The following KIAA0825 variants were observed in gnomAD, a reference collection of about 807,000 sequenced individuals.
KIAA0825 encodes the protein KIAA0825, also known as uncharacterized protein KIAA0825.
KIAA0825 carries 119 observed loss-of-function variants against 147.6 expected under a neutral mutation model. The ratio of observed to expected loss-of-function variants is 0.81; its 90% CI spans 0.69 to 0.94. The LOEUF (loss-of-function observed/expected upper bound fraction) is 0.94, where lower values mean the gene tolerates loss of function less well. Among genes scored for constraint, KIAA0825 ranks in the 40% least tolerant of loss-of-function variants. The pLI, the probability that KIAA0825 is intolerant of heterozygous loss-of-function variation, is 0.00. For missense variants in KIAA0825, 1,381 were observed against 1,472.7 expected (o/e 0.94, Z 1.02); for synonymous variants, 470 against 518.1 (o/e 0.91, Z 1.26).
intron 14 of KIAA0825, among the ~76,000 whole-genome samples, chr5:94,432,226 A>T (rs1755772713): frequency 6.6e-6 from 1 of 152,238 alleles, no homozygotes; most frequent in East Asian, 1.9e-4. Flanking sequence ...AACCAGCAGC[A>T]GCGGGAGCAG....
chr5:94,465,056 C>G lies in KIAA0825; in HGVS notation c.1876G>C (p.Glu626Gln). The stretch of plus-strand genomic sequence containing the variant: ...ATCTGGATCGAGAAGGAACATCTTT[C>G]CCCCTGGCAAAGCCAGCACACGTTA... Reference protein sequence around the residue: ...WDDYKAFYEGERCSFSIQMWH... With the variant: ...WDDYKAFYEGQRCSFSIQMWH... Residue 626 changes from glutamate (E) to glutamine (Q), a missense_variant, in exon 11 of 21, where the codon GAA (glutamate) becomes CAA (glutamine). Glu to Gln is a conservative substitution (Grantham distance 29). Coordinates refer to ENST00000682413, the MANE Select transcript of KIAA0825 (RefSeq NM_001145678.3). 6.4e-7 allele frequency: 1 copy of G among 1,550,810 alleles called. No individual in the cohort carries two copies. The highest frequency in any genetic ancestry group is 8.7e-7 in the Non-Finnish European group (1 of 1,146,460).
chr5:94,153,982 T>G lies in KIAA0825; in HGVS notation c.*25A>C. On this transcript the variant is annotated 3_prime_UTR_variant, in exon 21 of 21. Transcript: ENST00000682413. ...CATTACATGGGATTGTTTCCTAAAA[T>G]AAAGCTGTTGCTGTTTTCTGCAGAT... 1 of 1,468,214 alleles carries G rather than the reference T, an allele frequency of 6.8e-7. No homozygotes were observed. Among genetic ancestry groups the G allele is most frequent in the Non-Finnish European group, 9.3e-7 (1 of 1,071,024 alleles). 90.9% of individuals were successfully genotyped at this position (1,468,214 alleles called of 1,614,324 possible).
At chr5:94,348,128 C>A (rs1298672386) in intron 20 of KIAA0825, among the ~76,000 whole-genome samples, 1 of 151,996 alleles carries the variant, frequency 6.6e-6, no homozygotes, top group African/African-American at 2.4e-5. Context: ...AACAAAGCCT[C>A]CAATAAATCT....
chr5:94,157,242 C>T (rs1373428495), intron 20 of KIAA0825, among the ~76,000 whole-genome samples: 2 of 152,122 alleles, frequency 1.3e-5, no homozygotes, highest in South Asian at 2.1e-4. Context: ...TTGCTGAATT[C>T]CCCCACCTGC....
chr5:94,456,607 A>G (rs1409031285), intron 12 of KIAA0825, among the ~76,000 whole-genome samples: 3 of 152,230 alleles, frequency 2.0e-5, no homozygotes, highest in Admixed American at 6.5e-5. Flanking sequence ...TTAACAGGCA[A>G]TGCTGGTGGC....
chr5:94,404,303 T>A (rs1291150531), intron 15 of KIAA0825, among the ~76,000 whole-genome samples: 1 of 152,156 alleles, frequency 6.6e-6, no homozygotes, highest in Non-Finnish European at 1.5e-5. Flanking sequence ...TTAAAGTAGG[T>A]TAGAAAAGAG....
chr5:94,297,243 C>G (rs945043926), intron 20 of KIAA0825, among the ~76,000 whole-genome samples: 2 of 152,126 alleles, frequency 1.3e-5, no homozygotes, highest in African/African-American at 4.8e-5. Flanking sequence ...GTTATTATCT[C>G]TAAATCCTGT....
At chr5:94,331,878 G>A (rs1781304219) in intron 20 of KIAA0825, among the ~76,000 whole-genome samples, 1 of 152,086 alleles carries the variant, frequency 6.6e-6, no homozygotes, top group South Asian at 2.1e-4. Context: ...TGGGCATGGT[G>A]GCTCACACCT....
At chr5:94,522,234 T>A (rs565059662) in intron 4 of KIAA0825, among the ~76,000 whole-genome samples, 6 of 151,774 alleles carry the variant, frequency 4.0e-5, no homozygotes, top group African/African-American at 1.2e-4. Context: ...TTTCTCTTCA[T>A]CCACATTCTT....
At chr5:94,352,234 CA>C (rs1783753245) in intron 20 of KIAA0825, among the ~76,000 whole-genome samples, 1 of 152,122 alleles carries the variant, frequency 6.6e-6, no homozygotes, top group Non-Finnish European at 1.5e-5. Context: ...ACAAAACAAA[CA>C]ATCCCATCAA....
At chr5:94,197,487 A>G (rs1176852191) in intron 20 of KIAA0825, among the ~76,000 whole-genome samples, 2 of 152,078 alleles carry the variant, frequency 1.3e-5, no homozygotes, top group Non-Finnish European at 2.9e-5. Flanking sequence ...CCCACTTTCT[A>G]TTTGTGGTTT....
chr5:94,300,106 A>C (rs1454265745), intron 20 of KIAA0825, among the ~76,000 whole-genome samples: 1 of 152,090 alleles, frequency 6.6e-6, no homozygotes, highest in Non-Finnish European at 1.5e-5. Flanking sequence ...CACCTAATAC[A>C]ATATTGTATC....
intron 7 of KIAA0825, among the ~76,000 whole-genome samples, chr5:94,476,007 C>T (rs1378833389): frequency 6.6e-6 from 1 of 152,174 alleles, no homozygotes; most frequent in African/African-American, 2.4e-5. Flanking sequence ...ATGGTTTTCT[C>T]TTCTATGCAC....
At chr5:94,595,542 G>A (rs1429851266) in intron 1 of KIAA0825, among the ~76,000 whole-genome samples, 1 of 152,160 alleles carries the variant, frequency 6.6e-6, no homozygotes, top group Non-Finnish European at 1.5e-5. Flanking sequence ...GGGCTGCTGT[G>A]AAGATCTTTG....
chr5:94,265,079 G>A (rs964806375), intron 20 of KIAA0825, among the ~76,000 whole-genome samples: 2 of 152,058 alleles, frequency 1.3e-5, no homozygotes, highest in African/African-American at 2.4e-5. Context: ...CACTGTGCCC[G>A]GTCCATACAC....
At chr5:94,505,035 C>G (rs181116001) in intron 5 of KIAA0825, among the ~76,000 whole-genome samples, 1 of 151,754 alleles carries the variant, frequency 6.6e-6, no homozygotes, top group African/African-American at 2.4e-5. Flanking sequence ...CATGAGCCAC[C>G]GTGCCCAGTT....
chr5:94,456,160 A>G (rs1759078966), intron 12 of KIAA0825, among the ~76,000 whole-genome samples: 1 of 152,160 alleles, frequency 6.6e-6, no homozygotes, highest in Non-Finnish European at 1.5e-5. Context: ...ATGCGGACAT[A>G]CATATCTTTG....
At chr5:94,260,772 G>A (rs760686966) in intron 20 of KIAA0825, among the ~76,000 whole-genome samples, 1 of 152,076 alleles carries the variant, frequency 6.6e-6, no homozygotes, top group South Asian at 2.1e-4. Flanking sequence ...GCATTAAGTC[G>A]GTATGATGTG....
chr5:94,348,972 G>C (rs1783323179), intron 20 of KIAA0825, among the ~76,000 whole-genome samples: 1 of 152,128 alleles, frequency 6.6e-6, no homozygotes, highest in African/African-American at 2.4e-5. Flanking sequence ...GAATGTAAAT[G>C]ACCTAAATGC....
Sources: gnomAD v4.1 joint callset for allele counts (sites outside exome capture counted in the v4.1 genomes callset) on GRCh38, gnomAD v4.1.1 for gene constraint, MANE v1.5 for transcripts, NCBI Gene and HGNC (gene_info 2026-07-23, HGNC 2026-07-21) for gene names.